LRP1B: variants seen among roughly 807,000 people sequenced by gnomAD.
LRP1B encodes low-density lipoprotein receptor-related protein 1B.
A neutral mutation model predicts 556.6 loss-of-function variants in LRP1B; 217 were observed. The observed-to-expected ratio is 0.39, with a 90% confidence interval of 0.35 to 0.44. The LOEUF (loss-of-function observed/expected upper bound fraction) is 0.44, where lower values mean the gene tolerates loss of function less well. Among genes scored for constraint, LRP1B ranks in the 20% least tolerant of loss-of-function variants. LRP1B has a pLI of 1.00. For missense variants in LRP1B, 5,053 were observed against 5,620.8 expected, an observed-to-expected ratio of 0.90 and a Z score of 3.23; for synonymous variants, 2,047 against 1,865.8, an observed-to-expected ratio of 1.10 and a Z score of -2.50.
chr2:140,919,391 G>T (rs1173574335), intron 21 of LRP1B, among the ~76,000 whole-genome samples: 2 of 152,058 alleles, frequency 1.3e-5, no homozygotes. Flanking sequence ...CAGCTCAATT[G>T]CAGTGCCTGT....
chr2:141,621,131 T>C (rs1574151407), intron 2 of LRP1B, among the ~76,000 whole-genome samples: 1 of 152,170 alleles, frequency 6.6e-6, no homozygotes, highest in African/African-American at 2.4e-5. Context: ...CCAACCCTCA[T>C]ATGTTTTACA....
intron 3 of LRP1B, among the ~76,000 whole-genome samples, chr2:141,309,589 C>A (rs888753187): frequency 1.3e-5 from 2 of 152,218 alleles, no homozygotes; most frequent in Middle Eastern, 3.4e-3. Flanking sequence ...AGAAAGAAGA[C>A]CTTAACTATG....
chr2:142,069,540 A>G (rs1705235486), intron 1 of LRP1B, among the ~76,000 whole-genome samples: 2 of 151,754 alleles, frequency 1.3e-5, no homozygotes, highest in South Asian at 4.1e-4. Context: ...ACTGACATTC[A>G]TTCACTTAAT....
Position 141,103,522 on chromosome 2 carries a change from T to TTCTCTCTCTCTCTCTCTCTCTCTCTCTC in LRP1B, c.1014-41250_1014-41249insGAGAGAGAGAGAGAGAGAGAGAGAGAGA, listed in dbSNP as rs61008140. The stretch of plus-strand genomic sequence containing the variant: ...CAGAAGCTGGGCCATAGCACACACA[T>TTCTCTCTCTCTCTCTCTCTCTCTCTCTC]TCTCTCTCTCTCTTAAAAAGTTCAG... On this transcript the variant is annotated intron_variant, in intron 7 of 90. Transcript: ENST00000389484. 9.8e-3 allele frequency among the ~76,000 whole-genome samples: 1,463 copies of TTCTCTCTCTCTCTCTCTCTCTCTCTCTC among 149,082 alleles called. 20 individuals are homozygous for TTCTCTCTCTCTCTCTCTCTCTCTCTCTC. The highest frequency in any genetic ancestry group is 0.028 in the African/African-American group (1,125 of 40,552).
chr2:141,921,173 G>A (rs1700175502), intron 1 of LRP1B, among the ~76,000 whole-genome samples: 1 of 151,852 alleles, frequency 6.6e-6, no homozygotes, highest in Admixed American at 6.6e-5. Context: ...TTGTAAGATG[G>A]TATTTCTTAA....
intron 77 of LRP1B, among the ~76,000 whole-genome samples, chr2:140,341,307 T>G (rs1681379107): frequency 6.6e-6 from 1 of 151,650 alleles, no homozygotes; most frequent in African/African-American, 2.4e-5. Flanking sequence ...CTCCTTAAAC[T>G]GACAATAAAA....
chr2:140,463,256 C>A (rs1224207286), intron 60 of LRP1B, among the ~76,000 whole-genome samples: 1 of 152,040 alleles, frequency 6.6e-6, no homozygotes, highest in Admixed American at 6.6e-5. Context: ...CCAGGGTAGG[C>A]TAATCTCCAG....
chr2:140,521,232 C>G (rs1329887517), intron 49 of LRP1B, among the ~76,000 whole-genome samples: 2 of 151,890 alleles, frequency 1.3e-5, no homozygotes, highest in East Asian at 3.9e-4. Context: ...ACAATCATCC[C>G]CAAGGCACAG....
intron 3 of LRP1B, among the ~76,000 whole-genome samples, chr2:141,265,956 G>A (rs1404381954): frequency 6.6e-6 from 1 of 152,194 alleles, no homozygotes; most frequent in African/African-American, 2.4e-5. Context: ...TCGGGTTAGA[G>A]CCATAGAACA....
chr2:140,735,986 C>T (rs974811058), intron 35 of LRP1B, among the ~76,000 whole-genome samples: 9 of 151,974 alleles, frequency 5.9e-5, no homozygotes, highest in African/African-American at 1.4e-4. Flanking sequence ...GGCACATTCT[C>T]GGTATATGGG....
chr2:141,426,353 G>A (rs141625055), intron 3 of LRP1B, among the ~76,000 whole-genome samples: 3,346 of 152,104 alleles, frequency 0.022, 72 homozygotes, highest in East Asian at 0.092. Context: ...GTCAGGTAGC[G>A]TGATGCCTCC....
At chr2:141,720,642 A>T (rs1692777342) in intron 2 of LRP1B, among the ~76,000 whole-genome samples, 3 of 152,070 alleles carry the variant, frequency 2.0e-5, no homozygotes, top group Admixed American at 6.5e-5. Context: ...GATTCATAAA[A>T]TCCGTGACCT....
At chr2:141,143,750 CTA>C (rs1701713885) in intron 7 of LRP1B, among the ~76,000 whole-genome samples, 1 of 152,026 alleles carries the variant, frequency 6.6e-6, no homozygotes. Flanking sequence ...CTCTTGAGCT[CTA>C]TCTCCCCCCA....
intron 66 of LRP1B, among the ~76,000 whole-genome samples, chr2:140,437,077 C>T (rs534576201): frequency 5.9e-5 from 9 of 152,110 alleles, no homozygotes; most frequent in South Asian, 2.1e-4. Context: ...TCAACAGCAA[C>T]GTAAGATTAA....
At chr2:141,089,402 T>C (rs1457983110) in intron 7 of LRP1B, among the ~76,000 whole-genome samples, 2 of 152,214 alleles carry the variant, frequency 1.3e-5, no homozygotes, top group Admixed American at 6.5e-5. Flanking sequence ...GTTATCTAGA[T>C]CTGTATCGGA....
chr2:141,765,739 C>T (rs1386568725), intron 2 of LRP1B, among the ~76,000 whole-genome samples: 1 of 152,196 alleles, frequency 6.6e-6, no homozygotes. Context: ...GCAAAGGTCG[C>T]TTATAGAGCA....
intron 29 of LRP1B, 65 bp from the exon 30 acceptor site, chr2:140,841,157 T>TACAATG: frequency 9.5e-7 from 1 of 1,055,666 alleles, no homozygotes; most frequent in Non-Finnish European, 1.4e-6. Context: ...GCTCTGCAAG[T>TACAATG]AGTTATTTTC....
At chr2:141,293,339 C>G (rs936247160) in intron 3 of LRP1B, among the ~76,000 whole-genome samples, 1 of 152,154 alleles carries the variant, frequency 6.6e-6, no homozygotes, top group Non-Finnish European at 1.5e-5. Flanking sequence ...CTTTTGTTTT[C>G]CTGGTCCTAC....
intron 2 of LRP1B, among the ~76,000 whole-genome samples, chr2:141,532,312 T>G (rs1684914012): frequency 7.7e-6 from 1 of 129,150 alleles, no homozygotes; most frequent in South Asian, 2.3e-4. Flanking sequence ...AGTATTACAT[T>G]GTATGAACTT....
Sources: gnomAD v4.1 joint callset for allele counts (sites outside exome capture counted in the v4.1 genomes callset) on GRCh38, gnomAD v4.1.1 for gene constraint, MANE v1.5 for transcripts, NCBI Gene and HGNC (gene_info 2026-07-23, HGNC 2026-07-21) for gene names.